Variants in MAP3K5 observed in about 807,000 individuals in gnomAD.
MAP3K5 encodes mitogen-activated protein kinase kinase kinase 5, also known as ASK-1.
MAP3K5 carries 56 observed loss-of-function variants against 158.7 expected under a neutral mutation model. That is an observed-to-expected ratio of 0.35 (90% confidence interval 0.28 to 0.44). The LOEUF is 0.44. Among genes scored for constraint, MAP3K5 ranks in the 20% least tolerant of loss-of-function variants. The pLI is 1.00. For missense variants in MAP3K5, 1,294 were observed against 1,674.8 expected (o/e 0.77, Z 3.97); for synonymous variants, 579 against 601.7 (o/e 0.96, Z 0.55).
intron 15 of MAP3K5, among the ~76,000 whole-genome samples, chr6:136,617,675 T>TG (rs1382448917): frequency 6.6e-6 from 1 of 152,192 alleles, no homozygotes; most frequent in African/African-American, 2.4e-5. Flanking sequence ...GGTTCACTCC[T>TG]GTAATCCCAG....
chr6:136,711,676 A>C (rs545846872), intron 2 of MAP3K5, among the ~76,000 whole-genome samples: 1 of 36,088 alleles, frequency 2.8e-5, no homozygotes, highest in Non-Finnish European at 6.2e-5. Flanking sequence ...AAAAAAAAAG[A>C]AAGAAAGAAA....
chr6:136,582,319 C>T (rs895106679), intron 24 of MAP3K5, among the ~76,000 whole-genome samples: 1 of 150,366 alleles, frequency 6.7e-6, no homozygotes, highest in African/African-American at 2.5e-5. Flanking sequence ...TCTGACCTGG[C>T]CCAAGGCCCA....
Position 136,775,422 on chromosome 6 carries a change from G to A in MAP3K5, c.448+16288C>T, listed in dbSNP as rs184745713. Among the ~76,000 whole-genome samples, 259 of 152,204 alleles carry A rather than the reference G, an allele frequency of 1.7e-3. 1 individual carries two copies. The highest frequency in any genetic ancestry group is 6.0e-3 in the African/African-American group (250 of 41,550). On this transcript the variant is annotated intron_variant, in intron 1 of 29. Transcript: ENST00000359015. Reference sequence around the variant, plus strand: ...AGTCCAGGTCTCAAATTAGGCTTTCGGCACGTAGACCAGGTAACTGAAAAC... The same window carrying A: ...AGTCCAGGTCTCAAATTAGGCTTTCAGCACGTAGACCAGGTAACTGAAAAC...
intron 19 of MAP3K5, among the ~76,000 whole-genome samples, 196 bp from the exon 20 acceptor site, chr6:136,602,175 T>C (rs1775907593): frequency 6.6e-6 from 1 of 152,216 alleles, no homozygotes; most frequent in Non-Finnish European, 1.5e-5. Context: ...TTGGTACCTT[T>C]ACCAATGGCA....
chr6:136,612,186 A>T (rs1722136788), intron 17 of MAP3K5, among the ~76,000 whole-genome samples: 1 of 152,192 alleles, frequency 6.6e-6, no homozygotes, highest in African/African-American at 2.4e-5. Flanking sequence ...GATTTGAATA[A>T]TTATAAGATC....
intron 11 of MAP3K5, among the ~76,000 whole-genome samples, chr6:136,646,537 G>A (rs1778265742): frequency 6.6e-6 from 1 of 152,032 alleles, no homozygotes; most frequent in African/African-American, 2.4e-5. Context: ...AATTCTTCTG[G>A]CTCTCTACTC....
At position 136,622,214 on chromosome 6, in the gene MAP3K5, C is replaced by T. The variant is rs557221393; in HGVS notation, c.2150+634G>A. 2.0e-5 allele frequency among the ~76,000 whole-genome samples: 3 copies of T among 152,250 alleles called. No homozygotes were observed. In the South Asian group the frequency reaches 6.2e-4, roughly 32 times the overall value. ...AAACTCATGAAAGTGTGACCCTCAT[C>T]CCCAGCCCTCAGTGACTGGGTCCCA... On this transcript the variant is annotated intron_variant, in intron 15 of 29. Transcript: ENST00000359015.
intron 25 of MAP3K5, among the ~76,000 whole-genome samples, chr6:136,569,801 A>G (rs1315376186): frequency 3.3e-5 from 5 of 152,218 alleles, no homozygotes; most frequent in Non-Finnish European, 7.3e-5. Context: ...ATTTTTTGTC[A>G]ACAATATCTT....
intron 7 of MAP3K5, among the ~76,000 whole-genome samples, chr6:136,673,405 A>T (rs1185684513): frequency 6.6e-6 from 1 of 152,244 alleles, no homozygotes; most frequent in Non-Finnish European, 1.5e-5. Flanking sequence ...AAACAAAAGC[A>T]AACACACACA....
chr6:136,616,903 AT>A (rs1448958281), intron 15 of MAP3K5, among the ~76,000 whole-genome samples: 1 of 151,302 alleles, frequency 6.6e-6, no homozygotes, highest in Non-Finnish European at 1.5e-5. Flanking sequence ...TAATTTTTGT[AT>A]TTTTTGTTTT....
intron 14 of MAP3K5, among the ~76,000 whole-genome samples, chr6:136,625,284 T>C: frequency 6.6e-6 from 1 of 152,200 alleles, no homozygotes; most frequent in African/African-American, 2.4e-5. Flanking sequence ...TATGTTCCAA[T>C]AAGGCTTTAT....
chr6:136,610,233 G>T, intron 18 of MAP3K5, among the ~76,000 whole-genome samples: 1 of 152,010 alleles, frequency 6.6e-6, no homozygotes, highest in East Asian at 1.9e-4. Context: ...ATGGAGATCA[G>T]GTTTGAAGTC....
At chr6:136,602,273 G>T (rs372432444) in intron 19 of MAP3K5, among the ~76,000 whole-genome samples, 14 of 151,996 alleles carry the variant, frequency 9.2e-5, no homozygotes, top group African/African-American at 3.4e-4. Context: ...TGGTACATTG[G>T]CACACAAAAA....
chr6:136,637,338 C>T lies in MAP3K5; in HGVS notation c.2003G>A (p.Ser668Asn), dbSNP rs756682561. 12 of 1,610,946 alleles carry T rather than the reference C, an allele frequency of 7.4e-6. No individual in the cohort carries two copies. In the South Asian group the frequency reaches 1.3e-4, roughly 18 times the overall value. Residue 668 changes from serine (S) to asparagine (N), a missense_variant, in exon 14 of 30, where the codon AGT (serine) becomes AAT (asparagine). Physicochemically the swap from Ser to Asn is conservative, Grantham distance 46. This residue lies in a region of MAP3K5 where 690 missense variants were observed against 870.5 expected (regional missense o/e 0.79). Coordinates refer to ENST00000359015, the MANE Select transcript of MAP3K5 (RefSeq NM_005923.4). ...GRSTEEGDCE[S>N]DLLEYDYEYD... The stretch of plus-strand genomic sequence containing the variant: ...CTAAGTCATTACCTCCAGCAAGTCA[C>T]TTTCACAGTCTCCTTCCTCTGTGCT...
At chr6:136,678,452 CAA>C (rs1779794848) in intron 7 of MAP3K5, among the ~76,000 whole-genome samples, 1 of 151,798 alleles carries the variant, frequency 6.6e-6, no homozygotes, top group African/African-American at 2.4e-5. Flanking sequence ...CACAGTTTAG[CAA>C]AAGGATACAT....
intron 21 of MAP3K5, among the ~76,000 whole-genome samples, chr6:136,597,428 C>A (rs1775683944): frequency 6.6e-6 from 1 of 152,154 alleles, no homozygotes; most frequent in African/African-American, 2.4e-5. Flanking sequence ...CACTAGGGAT[C>A]TTTATGGTTC....
rs528499307 is a variant in MAP3K5, at chr6:136,599,176, G to T, written c.2878+1846C>A. Among the ~76,000 whole-genome samples the T allele has an allele frequency of 1.9e-4, 28 of 148,732 alleles. No homozygotes were observed. The East Asian group carries it at 2.7e-3, about 14-fold the overall frequency. On this transcript the variant is annotated intron_variant, in intron 21 of 29. Coordinates refer to ENST00000359015, the MANE Select transcript of MAP3K5 (RefSeq NM_005923.4). Reference sequence around the variant, plus strand: ...TCCGTCTCAAAAAAAAAAGGGGGGGGGGGCGTGGATTTTAGCTCCTAATTT... The same window carrying T: ...TCCGTCTCAAAAAAAAAAGGGGGGGTGGGCGTGGATTTTAGCTCCTAATTT...
At chr6:136,775,798 G>A (rs539456925) in intron 1 of MAP3K5, among the ~76,000 whole-genome samples, 4 of 152,274 alleles carry the variant, frequency 2.6e-5, no homozygotes, top group South Asian at 4.1e-4. Flanking sequence ...ATTCTCAAGC[G>A]ATGTCACAAC....
chr6:136,726,076 T>C (rs1349535573), intron 1 of MAP3K5, among the ~76,000 whole-genome samples: 2 of 152,240 alleles, frequency 1.3e-5, no homozygotes, highest in African/African-American at 2.4e-5. Flanking sequence ...AGGTAGCTAC[T>C]AAAATCAGGT....
Sources: gnomAD v4.1 joint callset for allele counts (sites outside exome capture counted in the v4.1 genomes callset) on GRCh38, gnomAD v4.1.1 for gene constraint, gnomAD v4.1.1 regional missense constraint, MANE v1.5 for transcripts, NCBI Gene and HGNC (gene_info 2026-07-23, HGNC 2026-07-21) for gene names.